The following CNTNAP3B variants were observed in gnomAD, a reference collection of about 807,000 sequenced individuals.
The protein encoded by CNTNAP3B is contactin associated protein family member 3B.
CNTNAP3B carries 25 observed loss-of-function variants against 108.9 expected under a neutral mutation model. The observed-to-expected ratio is 0.23, with a 90% confidence interval of 0.17 to 0.32. CNTNAP3B has a LOEUF of 0.32. Ranked by LOEUF, CNTNAP3B falls within the 10% of genes least tolerant of loss-of-function variation. The pLI is 1.00. For synonymous variants in CNTNAP3B, 103 were observed against 473.4 expected, an observed-to-expected ratio of 0.22 and a Z score of 10.16; for missense variants, 252 against 1,210.4, an observed-to-expected ratio of 0.21 and a Z score of 11.75.
intron 1 of CNTNAP3B, among the ~76,000 whole-genome samples, chr9:42,112,908 C>T (rs371829707): frequency 8.7e-6 from 1 of 114,834 alleles, no homozygotes; most frequent in Non-Finnish European, 1.7e-5. Context: ...CTCGCCCTGT[C>T]GCCCAGGCTA....
At chr9:41,988,419 T>G (rs1262941901) in intron 8 of CNTNAP3B, among the ~76,000 whole-genome samples, 2 of 125,592 alleles carry the variant, frequency 1.6e-5, no homozygotes, top group African/African-American at 6.3e-5. Context: ...TGGCTAATTT[T>G]TTTGTATTTT....
At chr9:42,004,743 G>T (rs1472783975) in intron 4 of CNTNAP3B, among the ~76,000 whole-genome samples, 1 of 116,922 alleles carries the variant, frequency 8.6e-6, no homozygotes. Flanking sequence ...GACTAGTGAC[G>T]ATTCATTTTA....
At chr9:41,935,271 A>G (rs1303956265) in intron 14 of CNTNAP3B, among the ~76,000 whole-genome samples, 47 of 152,134 alleles carry the variant, frequency 3.1e-4, no homozygotes, top group Non-Finnish European at 5.4e-4. Flanking sequence ...CGAGTTGCTG[A>G]TTACAGGGAC....
At chr9:41,934,126 C>CATATATATATATATATATATAT (rs1824074627) in intron 14 of CNTNAP3B, among the ~76,000 whole-genome samples, 725 of 22,156 alleles carry the variant, frequency 0.033, 8 homozygotes, top group African/African-American at 0.094. Flanking sequence ...TATATATACA[C>CATATATATATATATATATATAT]ACACATATAT....
chr9:42,049,200 C>T (rs2118538329), intron 3 of CNTNAP3B, among the ~76,000 whole-genome samples: 1 of 131,496 alleles, frequency 7.6e-6, no homozygotes, highest in East Asian at 2.4e-4. Flanking sequence ...CCAACCTCAT[C>T]ACCACCTGGG....
At chr9:42,070,205 T>G (rs1346809703) in intron 3 of CNTNAP3B, among the ~76,000 whole-genome samples, 1 of 151,378 alleles carries the variant, frequency 6.6e-6, no homozygotes, top group African/African-American at 2.4e-5. Context: ...TCTAACTTCC[T>G]GAGTGTTGTG....
In CNTNAP3B at chr9:41,953,320, C is replaced by T; in HGVS notation, c.1943G>A (p.Ser648Asn). The T allele has an allele frequency of 6.5e-7, 1 of 1,545,770 alleles. No homozygotes were observed. The highest frequency in any genetic ancestry group is 8.7e-7 in the Non-Finnish European group (1 of 1,153,388). ...GGACACAGCCGAGAGCGGGTGCCCG[C>T]TGGGGGCACCTCGGAGGGTCACCGC... Reference protein sequence around the residue: ...PDAVTLRGAPSGHPLSAVSFA... With the variant: ...PDAVTLRGAPNGHPLSAVSFA... Residue 648 changes from serine to asparagine, a missense_variant, in exon 13 of 24, where the codon AGC (serine) becomes AAC (asparagine). Ser to Asn is a conservative substitution (Grantham distance 46). Coordinates refer to ENST00000377561, the MANE Select transcript of CNTNAP3B (RefSeq NM_001201380.3).
chr9:42,088,677 GA>G (rs960149545), intron 2 of CNTNAP3B, among the ~76,000 whole-genome samples: 22 of 135,944 alleles, frequency 1.6e-4, no homozygotes, highest in Admixed American at 7.3e-4. Flanking sequence ...CAAATCTGAG[GA>G]AAAAAAAGCA....
chr9:41,981,021 G>A (rs1199109063), intron 9 of CNTNAP3B, among the ~76,000 whole-genome samples: 2 of 123,762 alleles, frequency 1.6e-5, no homozygotes, highest in Non-Finnish European at 3.3e-5. Flanking sequence ...AAAGCTTCTC[G>A]ATCTGATAAT....
intron 12 of CNTNAP3B, among the ~76,000 whole-genome samples, chr9:41,958,221 C>T (rs1190094779): frequency 2.0e-5 from 3 of 152,106 alleles, no homozygotes; most frequent in African/African-American, 7.2e-5. Context: ...GATCCTCCCA[C>T]CTCAGCCTCC....
At chr9:42,087,953 C>CA (rs1482398182) in intron 2 of CNTNAP3B, among the ~76,000 whole-genome samples, 1 of 89,558 alleles carries the variant, frequency 1.1e-5, no homozygotes, top group East Asian at 3.2e-4. Context: ...GATAAACAAA[C>CA]AGCACAATTG....
At chr9:42,075,510 G>A (rs1827468483) in intron 3 of CNTNAP3B, among the ~76,000 whole-genome samples, 2 of 133,958 alleles carry the variant, frequency 1.5e-5, no homozygotes, top group African/African-American at 6.0e-5. Context: ...GGATTAGTAA[G>A]AACCTTAACC....
At chr9:41,943,497 C>T (rs538178443) in intron 13 of CNTNAP3B, among the ~76,000 whole-genome samples, 43 of 152,048 alleles carry the variant, frequency 2.8e-4, no homozygotes, top group Admixed American at 2.2e-3. Flanking sequence ...GGACTACAGG[C>T]GCCTGCCACC....
intron 14 of CNTNAP3B, among the ~76,000 whole-genome samples, chr9:41,935,763 C>T (rs1408843401): frequency 6.6e-6 from 1 of 152,278 alleles, no homozygotes; most frequent in Non-Finnish European, 1.5e-5. Context: ...CTCCACAATG[C>T]TCCCTTCTGA....
chr9:42,012,987 C>A (rs1826157370), intron 4 of CNTNAP3B, among the ~76,000 whole-genome samples: 1 of 94,480 alleles, frequency 1.1e-5, no homozygotes, highest in South Asian at 3.4e-4. Context: ...AGAAATCACA[C>A]CCTGCCCCCA....
At chr9:41,934,130 C>CACACACACACACACACACAT (rs1491259532) in intron 14 of CNTNAP3B, among the ~76,000 whole-genome samples, 1 of 116,500 alleles carries the variant, frequency 8.6e-6, no homozygotes, top group African/African-American at 3.4e-5. Context: ...TATACACACA[C>CACACACACACACACACACAT]ATATATATAT....
At chr9:41,926,772 A>G (rs1335474142) in intron 15 of CNTNAP3B, 2 of 152,316 alleles carry the variant, frequency 1.3e-5, no homozygotes, top group South Asian at 2.1e-4. Flanking sequence ...TACTTTCAGA[A>G]GTCTTGCTGA....
intron 14 of CNTNAP3B, among the ~76,000 whole-genome samples, chr9:41,934,148 C>CACACAT (rs1824077175): frequency 2.4e-5 from 2 of 84,104 alleles, no homozygotes; most frequent in African/African-American, 9.6e-5. Context: ...TATACACACA[C>CACACAT]ATATATATAC....
At chr9:41,986,735 A>G (rs933479432) in intron 8 of CNTNAP3B, among the ~76,000 whole-genome samples, 1 of 148,734 alleles carries the variant, frequency 6.7e-6, no homozygotes, top group African/African-American at 2.5e-5. Flanking sequence ...AATGATTGTG[A>G]AAAGGTTTTT....
Sources: allele counts gnomAD v4.1 joint callset (sites outside exome capture counted in the v4.1 genomes callset), GRCh38; gene constraint gnomAD v4.1.1; transcripts MANE v1.5; gene names NCBI Gene and HGNC (gene_info 2026-07-23, HGNC 2026-07-21).